ARHGEF28: variants seen among roughly 807,000 people sequenced by gnomAD.
The protein encoded by ARHGEF28 is 190 kDa guanine nucleotide exchange factor.
ARHGEF28 carries 152 observed loss-of-function variants against 206.6 expected under a neutral mutation model. That is an observed-to-expected ratio of 0.74 (90% CI 0.64 to 0.84). The LOEUF (loss-of-function observed/expected upper bound fraction) is 0.84. Among genes scored for constraint, ARHGEF28 ranks in the 40% least tolerant of loss-of-function variants. The pLI is 0.00. For synonymous variants in ARHGEF28, 763 were observed against 776.4 expected (o/e 0.98, Z 0.29); for missense variants, 2,028 against 2,073.2 (o/e 0.98, Z 0.42).
At chr5:73,915,348 A>G (rs1046841715) in intron 35 of ARHGEF28, among the ~76,000 whole-genome samples, 2 of 152,192 alleles carry the variant, frequency 1.3e-5, no homozygotes, top group South Asian at 2.1e-4. Context: ...TAATAAACCC[A>G]TGTTATCTGT....
At chr5:73,826,504 C>T (rs1248473570) in intron 9 of ARHGEF28, among the ~76,000 whole-genome samples, 1 of 152,152 alleles carries the variant, frequency 6.6e-6, no homozygotes, top group Non-Finnish European at 1.5e-5. Context: ...AGAAAACTGC[C>T]TTAGCTGGGT....
chr5:73,694,856 G>A (rs1748086716), intron 2 of ARHGEF28, among the ~76,000 whole-genome samples: 1 of 152,270 alleles, frequency 6.6e-6, no homozygotes, highest in Non-Finnish European at 1.5e-5. Context: ...AGAGCAGAGA[G>A]TGAGAAACAA....
chr5:73,788,219 A>T (rs1754273874), intron 7 of ARHGEF28, among the ~76,000 whole-genome samples: 1 of 152,234 alleles, frequency 6.6e-6, no homozygotes, highest in African/African-American at 2.4e-5. Context: ...TTCTTGAGTT[A>T]AAGTAGAATC....
chr5:73,725,344 A>C (rs1750207001), intron 2 of ARHGEF28, among the ~76,000 whole-genome samples: 1 of 152,222 alleles, frequency 6.6e-6, no homozygotes, highest in South Asian at 2.1e-4. Flanking sequence ...ATATGAATTC[A>C]TTTAGGAACA....
At chr5:73,682,418 CT>C (rs113519554) in intron 1 of ARHGEF28, among the ~76,000 whole-genome samples, 10,369 of 140,572 alleles carry the variant, frequency 0.074, 421 homozygotes, top group African/African-American at 0.14. Context: ...ACAATTCATT[CT>C]TTTTTTTTTT....
At chr5:73,816,326 T>G (rs79259830) in intron 9 of ARHGEF28, among the ~76,000 whole-genome samples, 2 of 152,316 alleles carry the variant, frequency 1.3e-5, no homozygotes, top group African/African-American at 4.8e-5. Flanking sequence ...CAGGATATCA[T>G]AAGTATTTTT....
In ARHGEF28 at chr5:73,776,630, G is replaced by A; in HGVS notation, c.774G>A (p.Glu258=). The part of the protein sequence containing the change: ...TLTLTLNHTA[E]HLLEADIKLF... Reference sequence around the variant, plus strand: ...CCCTGACCCTGAACCACACAGCCGAGCATTTGTTGGAGGCAGATATTAAAC... The same window carrying A: ...CCCTGACCCTGAACCACACAGCCGAACATTTGTTGGAGGCAGATATTAAAC... Residue 258 remains glutamate (E), a synonymous_variant, in exon 6 of 36, where the codon GAG becomes GAA. Coordinates refer to ENST00000513042, the MANE Select transcript of ARHGEF28 (RefSeq NM_001177693.2). 1 of 1,613,870 alleles carries A rather than the reference G, an allele frequency of 6.2e-7. No homozygotes were observed. The highest frequency in any genetic ancestry group is 8.5e-7 in the Non-Finnish European group (1 of 1,179,820).
chr5:73,895,266 A>G (rs1761897445), intron 29 of ARHGEF28, among the ~76,000 whole-genome samples: 1 of 152,152 alleles, frequency 6.6e-6, no homozygotes, highest in African/African-American at 2.4e-5. Context: ...GGTTGGGTGA[A>G]GGGCAAGGTC....
chr5:73,935,475 A>T (rs754661137), intron 35 of ARHGEF28, among the ~76,000 whole-genome samples: 32 of 152,228 alleles, frequency 2.1e-4, no homozygotes, highest in Non-Finnish European at 4.3e-4. Flanking sequence ...TTAGGGACAC[A>T]GACCAATTTT....
At chr5:73,866,167 G>A (rs536829466) in intron 18 of ARHGEF28, among the ~76,000 whole-genome samples, 154 bp downstream of exon 18, 34 of 152,028 alleles carry the variant, frequency 2.2e-4, no homozygotes, top group African/African-American at 7.0e-4. Flanking sequence ...CTATAAAGTC[G>A]TCAAGAAGGC....
At chr5:73,654,233 C>G (rs1461825547) in intron 1 of ARHGEF28, among the ~76,000 whole-genome samples, 1 of 152,124 alleles carries the variant, frequency 6.6e-6, no homozygotes, top group Non-Finnish European at 1.5e-5. Flanking sequence ...GGGGATTTCC[C>G]CAGAAGGGAG....
intron 35 of ARHGEF28, among the ~76,000 whole-genome samples, chr5:73,918,545 T>A (rs1763344146): frequency 1.3e-5 from 2 of 152,262 alleles, no homozygotes; most frequent in Non-Finnish European, 2.9e-5. Flanking sequence ...TGTGAAATGA[T>A]GGTTACTGTC....
At chr5:73,679,224 G>GC (rs1561328314) in intron 1 of ARHGEF28, among the ~76,000 whole-genome samples, 2 of 152,286 alleles carry the variant, frequency 1.3e-5, no homozygotes, top group South Asian at 4.1e-4. Flanking sequence ...AACTTTAAAT[G>GC]ATTTTTTTGC....
Position 73,757,847 on chromosome 5 carries a change from T to A in ARHGEF28, c.475+4645T>A, listed in dbSNP as rs922417133. 4.6e-5 allele frequency among the ~76,000 whole-genome samples: 7 copies of A among 152,332 alleles called. No individual in the cohort carries two copies. The East Asian group carries it at 1.3e-3, about 29-fold the overall frequency. On this transcript the variant is annotated intron_variant, in intron 4 of 35. Coordinates refer to ENST00000513042, the MANE Select transcript of ARHGEF28 (RefSeq NM_001177693.2). ...AAGCATTGAATAGTAATATAATTAT[T>A]CAACAGAATCTCACAATTTATTTTT...
intron 1 of ARHGEF28, among the ~76,000 whole-genome samples, chr5:73,655,660 A>G (rs765072111): frequency 1.2e-4 from 18 of 152,208 alleles, no homozygotes; most frequent in Middle Eastern, 3.2e-3. Context: ...TCCCTGTGGC[A>G]GTATTTACAC....
rs556517499 is a variant in ARHGEF28, at chr5:73,867,876, A to T, written c.2153A>T (p.Asn718Ile). Residue 718 changes from asparagine (N) to isoleucine (I), a missense_variant and splice_region_variant, in exon 19 of 36, where the codon AAT (asparagine) becomes ATT (isoleucine). Transcript: ENST00000513042. ...NKNKPQTILG[N>I]SSFRDIPQPG... ...ATGAAGCATCTGTTCTGATTTCCAGATTCTTCATTTAGAGACATCCCACAG... is the reference window on the plus strand; with the variant it reads ...ATGAAGCATCTGTTCTGATTTCCAGTTTCTTCATTTAGAGACATCCCACAG... The T allele has an allele frequency of 5.0e-6, 8 of 1,613,926 alleles. No individual in the cohort carries two copies. The South Asian group carries it at 7.7e-5, about 16-fold the overall frequency.
intron 12 of ARHGEF28, 22 bp from the exon 13 acceptor site, chr5:73,848,954 A>ATAAAAATTTTATATTATATAAT: frequency 6.7e-7 from 1 of 1,482,052 alleles, no homozygotes; most frequent in Non-Finnish European, 9.2e-7. Flanking sequence ...ATTTTTAAAC[A>ATAAAAATTTTATATTATATAAT]CTTTATTATA....
chr5:73,863,832 G>T (rs1031099991), intron 16 of ARHGEF28, among the ~76,000 whole-genome samples: 10 of 151,842 alleles, frequency 6.6e-5, no homozygotes, highest in African/African-American at 2.4e-4. Context: ...TTATCAGCCG[G>T]GCCAATGCAT....
intron 1 of ARHGEF28, among the ~76,000 whole-genome samples, chr5:73,668,274 G>C (rs993975474): frequency 6.6e-6 from 1 of 152,170 alleles, no homozygotes; most frequent in Non-Finnish European, 1.5e-5. Flanking sequence ...TCGTGCTGCT[G>C]TAGCAGAATA....
Sources: gnomAD v4.1 joint callset for allele counts (sites outside exome capture counted in the v4.1 genomes callset) on GRCh38, gnomAD v4.1.1 for gene constraint, MANE v1.5 for transcripts, NCBI Gene and HGNC (gene_info 2026-07-23, HGNC 2026-07-21) for gene names.